The following ASAP1 variants were observed in gnomAD, a reference collection of about 807,000 sequenced individuals.
ASAP1 encodes the protein ArfGAP with SH3 domain, ankyrin repeat and PH domain 1.
Under a neutral mutation model 145.2 loss-of-function variants are expected in ASAP1, and 43 were observed. The ratio of observed to expected loss-of-function variants is 0.30; its 90% CI spans 0.23 to 0.38. The LOEUF is 0.38. Among genes scored for constraint, ASAP1 ranks in the 10% least tolerant of loss-of-function variants. The pLI is 1.00. For missense variants in ASAP1, 1,018 were observed against 1,355.3 expected (o/e 0.75, Z 3.91); for synonymous variants, 546 against 515.5 (o/e 1.06, Z -0.80).
intron 5 of ASAP1, among the ~76,000 whole-genome samples, chr8:130,206,552 A>C (rs938579469): frequency 5.9e-5 from 9 of 152,188 alleles, no homozygotes; most frequent in African/African-American, 2.2e-4. Flanking sequence ...GCTTTGCTTC[A>C]ACAGCTCTGA....
intron 9 of ASAP1, among the ~76,000 whole-genome samples, chr8:130,176,023 A>T (rs1196020532): frequency 6.6e-6 from 1 of 152,232 alleles, no homozygotes; most frequent in Non-Finnish European, 1.5e-5. Context: ...GTCTGTTTGG[A>T]AAGCAGCATG....
At chr8:130,390,333 A>G (rs771462190) in intron 2 of ASAP1, among the ~76,000 whole-genome samples, 1 of 152,258 alleles carries the variant, frequency 6.6e-6, no homozygotes, top group Non-Finnish European at 1.5e-5. Context: ...CATTTCATAG[A>G]AAGTTCTACT....
rs1260409054 is a variant in ASAP1, at chr8:130,333,458, G to GC, written c.186+24558dup. Among the ~76,000 whole-genome samples the GC allele has an allele frequency of 2.6e-5, 4 of 152,260 alleles. No individual in the cohort carries two copies. In the East Asian group the frequency reaches 7.8e-4, roughly 30 times the overall value. On this transcript the variant is annotated intron_variant, in intron 3 of 29. Transcript: ENST00000518721. Reference sequence around the variant, plus strand: ...CTCTACTAAAAATATAAAAAAATTAGCCAGGCATGCTGGCACATGCCTGTA... The same window carrying GC: ...CTCTACTAAAAATATAAAAAAATTAGCCCAGGCATGCTGGCACATGCCTGTA...
intron 1 of ASAP1, among the ~76,000 whole-genome samples, chr8:130,416,224 T>G (rs746024005): frequency 6.6e-6 from 1 of 151,958 alleles, no homozygotes; most frequent in Non-Finnish European, 1.5e-5. Context: ...GGGTGCCCAT[T>G]AGAATGGAAG....
Position 130,386,520 on chromosome 8 carries a change from G to A in ASAP1, c.59+15365C>T, listed in dbSNP as rs189307708. Among the ~76,000 whole-genome samples the A allele has an allele frequency of 1.8e-4, 27 of 152,314 alleles. 1 individual carries two copies. The highest frequency in any genetic ancestry group is 6.0e-4 in the African/African-American group (25 of 41,568). On this transcript the variant is annotated intron_variant, in intron 2 of 29. Transcript: ENST00000518721. ...CAGGGCTGTCGACACAGGGCTAAGC[G>A]CTGCGCTCTCCACCCTGTAGATACA...
At chr8:130,411,481 G>A (rs573090677) in intron 1 of ASAP1, among the ~76,000 whole-genome samples, 10 of 152,246 alleles carry the variant, frequency 6.6e-5, no homozygotes, top group South Asian at 2.1e-4. Flanking sequence ...CATGCTATTC[G>A]TTGGCTCCTT....
chr8:130,096,134 G>C (rs938285925), intron 24 of ASAP1, among the ~76,000 whole-genome samples: 2 of 152,174 alleles, frequency 1.3e-5, no homozygotes, highest in African/African-American at 4.8e-5. Flanking sequence ...TGGCTGGGAA[G>C]ACATGAGGTA....
intron 13 of ASAP1, among the ~76,000 whole-genome samples, chr8:130,150,744 G>A (rs533377234): frequency 6.6e-6 from 1 of 152,290 alleles, no homozygotes; most frequent in African/African-American, 2.4e-5. Flanking sequence ...GCTGGGCGTG[G>A]TGAAGTGTGC....
At chr8:130,256,528 C>A (rs1819526037) in intron 3 of ASAP1, among the ~76,000 whole-genome samples, 1 of 151,596 alleles carries the variant, frequency 6.6e-6, no homozygotes, top group Non-Finnish European at 1.5e-5. Context: ...TACCTCAATC[C>A]CACTTATTAG....
At chr8:130,423,513 T>C (rs7817849) in intron 1 of ASAP1, among the ~76,000 whole-genome samples, 1 of 152,142 alleles carries the variant, frequency 6.6e-6, no homozygotes, top group Admixed American at 6.5e-5. Context: ...AGTATGTACA[T>C]GCAAAAACTA....
intron 4 of ASAP1, among the ~76,000 whole-genome samples, chr8:130,218,629 T>A (rs968468912): frequency 6.6e-6 from 1 of 152,136 alleles, no homozygotes. Flanking sequence ...GAAGAAGGTG[T>A]TGGGAGAAGC....
intron 5 of ASAP1, among the ~76,000 whole-genome samples, chr8:130,205,651 T>G (rs1040512803): frequency 2.6e-4 from 39 of 149,106 alleles, no homozygotes; most frequent in Non-Finnish European, 5.9e-5. Flanking sequence ...CTGACTCCAT[T>G]TGGTTGGTAA....
Position 130,060,680 on chromosome 8 carries a change from G to C in ASAP1, c.3091C>G (p.Gln1031Glu). 6.2e-7 allele frequency: 1 copy of C among 1,614,194 alleles called. No homozygotes were observed. Among genetic ancestry groups the C allele is most frequent in the Non-Finnish European group, 8.5e-7 (1 of 1,180,040 alleles). The change falls in exon 28 of 30, where the codon CAG (glutamine) becomes GAG (glutamate). Residue 1031 changes from glutamine (Q) to glutamate (E), a missense_variant. Gln to Glu is a conservative substitution (Grantham distance 29). Around this residue, in one of 9 missense-constraint regions of ASAP1, gnomAD observed 139 missense variants for 131.0 expected, o/e 1.06. Transcript: ENST00000518721. ...SHPLDLSPNVQSRDAIQKQAS... is the reference protein window; with the variant it reads ...SHPLDLSPNVESRDAIQKQAS... ...TGCTTTTGGATGGCGTCTCTGGACT[G>C]CACATTTGGGGATAGATCCAATGGG... is the stretch of plus-strand genomic sequence containing the variant.
intron 12 of ASAP1, 67 bp downstream of exon 12, chr8:130,159,797 T>C: frequency 7.9e-7 from 1 of 1,264,254 alleles, no homozygotes; most frequent in Non-Finnish European, 1.2e-6. Flanking sequence ...TGTTTCCCTA[T>C]ATGAGAGACT....
chr8:130,365,430 G>GA (rs1468136332), intron 2 of ASAP1, among the ~76,000 whole-genome samples: 8 of 152,030 alleles, frequency 5.3e-5, no homozygotes, highest in African/African-American at 1.7e-4. Flanking sequence ...CTCCAATGAA[G>GA]AAAAAAATCA....
chr8:130,105,660 C>T (rs562618093), intron 24 of ASAP1, among the ~76,000 whole-genome samples: 2 of 152,020 alleles, frequency 1.3e-5, no homozygotes, highest in Non-Finnish European at 1.5e-5. Context: ...AGTAATTAAC[C>T]GTATAATTAT....
intron 3 of ASAP1, among the ~76,000 whole-genome samples, chr8:130,347,610 C>T (rs1402540667): frequency 6.6e-6 from 1 of 152,162 alleles, no homozygotes; most frequent in Non-Finnish European, 1.5e-5. Flanking sequence ...CACCATCACC[C>T]CCAGGCTGAA....
intron 28 of ASAP1, among the ~76,000 whole-genome samples, chr8:130,060,196 T>C (rs1488791408): frequency 6.6e-6 from 1 of 151,860 alleles, no homozygotes; most frequent in Non-Finnish European, 1.5e-5. Flanking sequence ...TCAAGGTTCC[T>C]AGGTAATAGT....
chr8:130,288,872 C>T (rs1237934586), intron 3 of ASAP1, among the ~76,000 whole-genome samples: 1 of 152,228 alleles, frequency 6.6e-6, no homozygotes, highest in Non-Finnish European at 1.5e-5. Context: ...CAGAATGAAA[C>T]TGTGTATAAC....
Sources: gnomAD v4.1 joint callset for allele counts (sites outside exome capture counted in the v4.1 genomes callset) on GRCh38, gnomAD v4.1.1 for gene constraint, gnomAD v4.1.1 regional missense constraint, MANE v1.5 for transcripts, NCBI Gene and HGNC (gene_info 2026-07-23, HGNC 2026-07-21) for gene names.